PHACTR1: variants seen among roughly 807,000 people sequenced by gnomAD.
PHACTR1 encodes RPEL repeat containing 1.
A neutral mutation model predicts 69.2 loss-of-function variants in PHACTR1; 16 were observed. The ratio of observed to expected loss-of-function variants is 0.23; its 90% CI spans 0.16 to 0.35. PHACTR1 has a LOEUF of 0.35. Among genes scored for constraint, PHACTR1 ranks in the 10% least tolerant of loss-of-function variants. The probability of loss-of-function intolerance (pLI) is 1.00; values close to 1 mark genes in which losing one functional copy is unlikely to be tolerated. For missense variants in PHACTR1, 510 were observed against 734.7 expected (o/e 0.69, Z 3.54); for synonymous variants, 312 against 284.5 (o/e 1.10, Z -0.97).
At chr6:12,868,405 T>C (rs893791103) in intron 4 of PHACTR1, among the ~76,000 whole-genome samples, 2 of 152,148 alleles carry the variant, frequency 1.3e-5, no homozygotes, top group African/African-American at 2.4e-5. Context: ...TTTCTAAAGA[T>C]GCATTTGGCA....
intron 8 of PHACTR1, among the ~76,000 whole-genome samples, chr6:13,220,581 C>T (rs532020781): frequency 3.9e-5 from 6 of 152,292 alleles, no homozygotes; most frequent in African/African-American, 1.4e-4. Flanking sequence ...TCTGTGCAGA[C>T]ACAGTCCTGG....
intron 3 of PHACTR1, among the ~76,000 whole-genome samples, chr6:12,741,157 CTG>C (rs1436575052): frequency 6.6e-6 from 1 of 151,982 alleles, no homozygotes; most frequent in Non-Finnish European, 1.5e-5. Flanking sequence ...CCAACCAGCA[CTG>C]TTCATCTCAC....
At chr6:12,928,895 A>C (rs1364335718) in intron 4 of PHACTR1, among the ~76,000 whole-genome samples, 1 of 152,232 alleles carries the variant, frequency 6.6e-6, no homozygotes, top group African/African-American at 2.4e-5. Context: ...GTCTCGAAGG[A>C]GAAGAGAGGG....
chr6:13,089,604 G>A (rs1812887916), intron 5 of PHACTR1, among the ~76,000 whole-genome samples: 1 of 152,162 alleles, frequency 6.6e-6, no homozygotes, highest in Admixed American at 6.5e-5. Context: ...GGGAAACCAA[G>A]GCCAAAAAAT....
At chr6:13,142,732 G>A (rs1424889117) in intron 5 of PHACTR1, among the ~76,000 whole-genome samples, 1 of 151,840 alleles carries the variant, frequency 6.6e-6, no homozygotes, top group Admixed American at 6.6e-5. Context: ...TTTATTTCTG[G>A]ATTCTCGATT....
Position 12,753,964 on chromosome 6 carries a change from A to T in PHACTR1, c.250+4174A>T, listed in dbSNP as rs546546771. On this transcript the variant is annotated intron_variant, in intron 4 of 14. Coordinates refer to ENST00000332995, the MANE Select transcript of PHACTR1 (RefSeq NM_030948.6). Reference sequence around the variant, plus strand: ...TGTAAATATATATATATATATATATATATATATTTTTTTTTTGAGACAGAG... The same window carrying T: ...TGTAAATATATATATATATATATATTTATATATTTTTTTTTTGAGACAGAG... Among the ~76,000 whole-genome samples the T allele has an allele frequency of 7.7e-3, 287 of 37,416 alleles. 2 individuals carry two copies. Among genetic ancestry groups the T allele is most frequent in the African/African-American group, 0.049 (282 of 5,718 alleles). The allele number at this position is 37,416 out of a possible 152,430, so 24.5% of individuals were successfully genotyped here. A position where few individuals can be genotyped will look rare whatever the true frequency, so the allele number is the denominator to read the frequency against.
At chr6:12,918,749 TC>T (rs1436806324) in intron 4 of PHACTR1, among the ~76,000 whole-genome samples, 1 of 152,148 alleles carries the variant, frequency 6.6e-6, no homozygotes, top group African/African-American at 2.4e-5. Flanking sequence ...AAAGATAGAA[TC>T]AAAAAGCACA....
rs761601375 is a variant in PHACTR1 at position 13,283,496 on chromosome 6, G to A, written c.1584G>A (p.Val528=). 2 of 1,613,956 alleles carry A rather than the reference G, an allele frequency of 1.2e-6. No individual in the cohort carries two copies. Among genetic ancestry groups the A allele is most frequent in the Admixed American group, 3.3e-5 (2 of 60,028 alleles). ...TCCGCTTCAGTGACTACGTGGAGGT[G>A]GCTGACGCTCAGGACTATGACCGCA... is the stretch of plus-strand genomic sequence containing the variant. ...ILIRFSDYVE[V]ADAQDYDRRA... The change falls in exon 13 of 15, where the codon GTG becomes GTA. Residue 528 remains valine, a synonymous_variant. Coordinates refer to ENST00000332995, the MANE Select transcript of PHACTR1 (RefSeq NM_030948.6). This position sits in a 1 kb window ranked among gnomAD's most constrained non-coding sequence, Gnocchi z 4.7.
chr6:12,846,868 C>T (rs1241369931), intron 4 of PHACTR1, among the ~76,000 whole-genome samples: 3 of 151,698 alleles, frequency 2.0e-5, no homozygotes, highest in East Asian at 1.9e-4. Context: ...GTGCAGTGGC[C>T]GTCTCAGCTC....
chr6:12,845,422 A>ACCCCCCCC (rs879435671), intron 4 of PHACTR1, among the ~76,000 whole-genome samples: 5 of 12,828 alleles, frequency 3.9e-4, no homozygotes, highest in Non-Finnish European at 5.8e-4. Context: ...CATTGTGAAC[A>ACCCCCCCC]CCACCCACCC....
At chr6:13,079,229 A>G (rs541710578) in intron 5 of PHACTR1, among the ~76,000 whole-genome samples, 1 of 152,162 alleles carries the variant, frequency 6.6e-6, no homozygotes, top group Non-Finnish European at 1.5e-5. Context: ...CTTACTGCTT[A>G]CATGCGATGG....
At chr6:13,197,239 A>C (rs1150597) in intron 7 of PHACTR1, among the ~76,000 whole-genome samples, 2,849 of 152,268 alleles carry the variant, frequency 0.019, 95 homozygotes, top group African/African-American at 0.064. Flanking sequence ...CTGCTGACCT[A>C]TATGGAGACT....
At chr6:13,175,273 A>G (rs548146056) in intron 6 of PHACTR1, among the ~76,000 whole-genome samples, 1 of 152,366 alleles carries the variant, frequency 6.6e-6, no homozygotes, top group Non-Finnish European at 1.5e-5. Context: ...CTCATCTGAT[A>G]TTTCAGGATG....
At chr6:12,753,708 A>G (rs918560823) in intron 4 of PHACTR1, among the ~76,000 whole-genome samples, 1 of 152,076 alleles carries the variant, frequency 6.6e-6, no homozygotes, top group African/African-American at 2.4e-5. Flanking sequence ...TCTGGCCTTC[A>G]CTGGTCTCTT....
chr6:12,717,449 G>A (rs1462858425), intron 1 of PHACTR1, 60 bp from the exon 2 acceptor site: 1 of 152,026 alleles, frequency 6.6e-6, no homozygotes, highest in African/African-American at 2.4e-5. Flanking sequence ...TATGCATGTG[G>A]ATTTGATGAT....
At chr6:12,805,519 T>G (rs1774201922) in intron 4 of PHACTR1, among the ~76,000 whole-genome samples, 1 of 152,188 alleles carries the variant, frequency 6.6e-6, no homozygotes, top group African/African-American at 2.4e-5. Flanking sequence ...GGAATGGCTA[T>G]TCTCTGAAAG....
At chr6:13,139,648 C>T (rs1467206947) in intron 5 of PHACTR1, among the ~76,000 whole-genome samples, 2 of 152,140 alleles carry the variant, frequency 1.3e-5, no homozygotes, top group Admixed American at 6.6e-5. Flanking sequence ...AAGCAGGTTT[C>T]CTCATTAACT....
intron 5 of PHACTR1, among the ~76,000 whole-genome samples, chr6:13,126,386 A>C (rs1819532649): frequency 6.6e-6 from 1 of 152,224 alleles, no homozygotes. Context: ...ACAAACCCAG[A>C]TGCCCATAAA....
intron 8 of PHACTR1, among the ~76,000 whole-genome samples, chr6:13,210,060 T>C (rs773523819): frequency 6.6e-6 from 1 of 152,228 alleles, no homozygotes; most frequent in Non-Finnish European, 1.5e-5. Context: ...CAGGCTGTAG[T>C]GCAGTGGCAT....
Sources: allele counts gnomAD v4.1 joint callset (sites outside exome capture counted in the v4.1 genomes callset), GRCh38; gene constraint gnomAD v4.1.1; non-coding constraint Gnocchi (gnomAD v3.1); transcripts MANE v1.5; gene names NCBI Gene and HGNC (gene_info 2026-07-23, HGNC 2026-07-21).